Variants in CERT1 observed in about 807,000 individuals in gnomAD.
The protein encoded by CERT1 is ceramide transfer protein.
A neutral mutation model predicts 87.9 loss-of-function variants in CERT1; 31 were observed. The observed-to-expected ratio is 0.35, with a 90% CI of 0.27 to 0.48. CERT1 has a LOEUF of 0.48. Among genes scored for constraint, CERT1 ranks in the 20% least tolerant of loss-of-function variants. The pLI is 0.99. For missense variants in CERT1, 487 were observed against 758.0 expected (o/e 0.64, Z 4.20); for synonymous variants, 289 against 250.9 (o/e 1.15, Z -1.44).
chr5:75,493,064 T>A (rs1483328262), intron 2 of CERT1, among the ~76,000 whole-genome samples: 2 of 152,218 alleles, frequency 1.3e-5, no homozygotes, highest in Non-Finnish European at 2.9e-5. Context: ...CGCATTTTCC[T>A]CTTATTTAAT....
intron 2 of CERT1, among the ~76,000 whole-genome samples, chr5:75,467,079 A>G (rs1472273319): frequency 2.0e-5 from 3 of 152,164 alleles, no homozygotes; most frequent in Non-Finnish European, 4.4e-5. Context: ...ATGTCCTTCA[A>G]TTGGTGAATG....
At chr5:75,398,633 TA>T (rs1231946289) in intron 11 of CERT1, among the ~76,000 whole-genome samples, 2 of 151,936 alleles carry the variant, frequency 1.3e-5, no homozygotes, top group Non-Finnish European at 2.9e-5. Context: ...ACGCTGACAC[TA>T]AAAAAAACTT....
intron 3 of CERT1, among the ~76,000 whole-genome samples, chr5:75,429,104 A>AC (rs1484228713): frequency 2.0e-5 from 3 of 150,960 alleles, no homozygotes; most frequent in African/African-American, 4.9e-5. Flanking sequence ...CCCTACCCCT[A>AC]CTTCCACCTC....
intron 4 of CERT1, among the ~76,000 whole-genome samples, chr5:75,425,865 T>C (rs1763595424): frequency 6.6e-6 from 1 of 152,198 alleles, no homozygotes; most frequent in African/African-American, 2.4e-5. Flanking sequence ...TGGGAAAAAA[T>C]ATTACTTGTG....
intron 6 of CERT1, among the ~76,000 whole-genome samples, chr5:75,418,608 G>C (rs1763240547): frequency 2.0e-5 from 3 of 152,064 alleles, no homozygotes; most frequent in Admixed American, 2.0e-4. Context: ...TGAATGACTA[G>C]ATACACAAAC....
intron 3 of CERT1, among the ~76,000 whole-genome samples, chr5:75,437,766 AT>A (rs1255287433): frequency 2.2e-5 from 3 of 134,052 alleles, no homozygotes; most frequent in Non-Finnish European, 4.9e-5. Context: ...ACTCTGTCTC[AT>A]TAAAAAAAAA....
At chr5:75,432,057 C>CT (rs578175246) in intron 3 of CERT1, among the ~76,000 whole-genome samples, 3,103 of 143,300 alleles carry the variant, frequency 0.022, 101 homozygotes, top group African/African-American at 0.067. Context: ...TTCCCCCCCC[C>CT]TTTTTTTTTT....
chr5:75,433,014 G>A (rs1295808595), intron 3 of CERT1, among the ~76,000 whole-genome samples: 1 of 152,136 alleles, frequency 6.6e-6, no homozygotes, highest in African/African-American at 2.4e-5. Context: ...TTGTGGTTGT[G>A]AGGCTTTATT....
At chr5:75,399,890 G>A (rs1762400627) in intron 10 of CERT1, among the ~76,000 whole-genome samples, 1 of 152,206 alleles carries the variant, frequency 6.6e-6, no homozygotes, top group East Asian at 1.9e-4. Context: ...TGTAATCCCA[G>A]CACTCTGGGA....
chr5:75,478,909 TAAAAAAAA>T lies in CERT1; in HGVS notation c.232-19736_232-19729del, dbSNP rs11438163. ...AAATCTTGAGCTTGAAAGTAAGTAC[TAAAAAAAA>T]AAAAAAAAAAAAAAAAAAAAAAGCC... On this transcript the variant is annotated intron_variant, in intron 2 of 16. Transcript: ENST00000643780. Among the ~76,000 whole-genome samples the T allele has an allele frequency of 2.6e-3, 56 of 21,762 alleles. 1 individual carries two copies. The East Asian group carries it at 0.049, about 19-fold the overall frequency. The allele number at this position is 21,762 out of a possible 152,430, so 14.3% of individuals were successfully genotyped here.
intron 3 of CERT1, among the ~76,000 whole-genome samples, chr5:75,450,194 C>A (rs1764717940): frequency 6.6e-6 from 1 of 152,090 alleles, no homozygotes; most frequent in Non-Finnish European, 1.5e-5. Context: ...GCTGAATGTA[C>A]CCTCCTCCTG....
In CERT1 at chr5:75,438,969, AT is replaced by A. The variant is rs369517245; in HGVS notation, c.349-12492del. ...AATACCAGCCTGAACATGTTTTTAA[AT>A]TAACAATCTTTTGGCCACTAGAGGA... On this transcript the variant is annotated intron_variant, in intron 3 of 16. Coordinates refer to ENST00000643780, the MANE Select transcript of CERT1 (RefSeq NM_001379029.1). Among the ~76,000 whole-genome samples, 313 of 151,776 alleles carry A rather than the reference AT, an allele frequency of 2.1e-3. 1 individual carries two copies. The East Asian group carries it at 0.027, about 13-fold the overall frequency.
chr5:75,461,851 G>A (rs1765247844), intron 2 of CERT1, among the ~76,000 whole-genome samples: 1 of 149,250 alleles, frequency 6.7e-6, no homozygotes. Flanking sequence ...GAGAAGATGA[G>A]TCTACAGGGC....
rs747222797 is a variant in CERT1 at position 75,511,601 on chromosome 5, C to T, written c.-394G>A. ...GCGTCCACTCACACCTCCGCTACCG[C>T]CGCCATCTTCCTGCCTGGCCCACTA... On this transcript the variant is annotated 5_prime_UTR_variant, in exon 1 of 17. Coordinates refer to ENST00000643780, the MANE Select transcript of CERT1 (RefSeq NM_001379029.1). The T allele has an allele frequency of 2.1e-5, 31 of 1,467,254 alleles. No homozygotes were observed. Among genetic ancestry groups the T allele is most frequent in the Non-Finnish European group, 2.7e-5 (30 of 1,109,156 alleles). The allele number at this position is 1,467,254 out of a possible 1,614,324, so 90.9% of individuals were successfully genotyped here. A position where few individuals can be genotyped will look rare whatever the true frequency, so the allele number is the denominator to read the frequency against.
intron 12 of CERT1, among the ~76,000 whole-genome samples, chr5:75,388,044 G>A (rs184443462): frequency 5.3e-5 from 8 of 152,330 alleles, no homozygotes; most frequent in African/African-American, 1.4e-4. Flanking sequence ...AAATAAGGCA[G>A]GTCTGGCTCA....
intron 3 of CERT1, among the ~76,000 whole-genome samples, chr5:75,440,569 A>G (rs1347612765): frequency 2.6e-5 from 4 of 152,118 alleles, no homozygotes; most frequent in Non-Finnish European, 5.9e-5. Flanking sequence ...AAACTAGAAC[A>G]TGCGATAAAC....
chr5:75,503,707 T>G (rs1767489882), intron 2 of CERT1, among the ~76,000 whole-genome samples: 1 of 151,908 alleles, frequency 6.6e-6, no homozygotes, highest in Admixed American at 6.6e-5. Flanking sequence ...TGTTTCTTGT[T>G]CCTACGCATG....
chr5:75,405,685 A>C (rs966800130), intron 8 of CERT1, among the ~76,000 whole-genome samples: 1 of 152,162 alleles, frequency 6.6e-6, no homozygotes, highest in Non-Finnish European at 1.5e-5. Context: ...ATATACAATA[A>C]GATATTTTGA....
intron 11 of CERT1, among the ~76,000 whole-genome samples, chr5:75,396,893 C>T (rs1447222276): frequency 6.6e-6 from 1 of 152,112 alleles, no homozygotes; most frequent in Non-Finnish European, 1.5e-5. Context: ...ATAGTCACTA[C>T]TATAATTTTA....
Sources: gnomAD v4.1 joint callset for allele counts (sites outside exome capture counted in the v4.1 genomes callset) on GRCh38, gnomAD v4.1.1 for gene constraint, MANE v1.5 for transcripts, NCBI Gene and HGNC (gene_info 2026-07-23, HGNC 2026-07-21) for gene names.